The following CNTNAP5 variants were observed in gnomAD, a reference collection of about 807,000 sequenced individuals.
The protein encoded by CNTNAP5 is contactin associated protein family member 5, also known as contactin-associated protein-like 5.
A neutral mutation model predicts 150.2 loss-of-function variants in CNTNAP5; 72 were observed. That is an observed-to-expected ratio of 0.48 (90% CI 0.40 to 0.58). The LOEUF is 0.58. Among genes scored for constraint, CNTNAP5 ranks in the 20% least tolerant of loss-of-function variants. The pLI is 0.00. For missense variants in CNTNAP5, 1,636 were observed against 1,626.2 expected, an observed-to-expected ratio of 1.01 and a Z score of -0.10; for synonymous variants, 672 against 619.8, an observed-to-expected ratio of 1.08 and a Z score of -1.25.
intron 2 of CNTNAP5, among the ~76,000 whole-genome samples, chr2:124,240,956 A>G (rs1686871639): frequency 6.6e-6 from 1 of 152,146 alleles, no homozygotes; most frequent in African/African-American, 2.4e-5. Flanking sequence ...ACATCGCTAA[A>G]ATGATTTTCA....
intron 13 of CNTNAP5, among the ~76,000 whole-genome samples, chr2:124,718,610 T>C (rs1679990620): frequency 6.6e-6 from 1 of 152,154 alleles, no homozygotes; most frequent in African/African-American, 2.4e-5. Flanking sequence ...TATGTGGAAC[T>C]GTTTCTCTTA....
chr2:124,506,555 A>G (rs1694411421), intron 8 of CNTNAP5, among the ~76,000 whole-genome samples: 1 of 152,152 alleles, frequency 6.6e-6, no homozygotes. Context: ...AAAATGGCCC[A>G]CTGAACCCCT....
chr2:124,064,396 T>C (rs937449785), intron 1 of CNTNAP5, among the ~76,000 whole-genome samples: 1 of 152,080 alleles, frequency 6.6e-6, no homozygotes, highest in African/African-American at 2.4e-5. Flanking sequence ...TCATTAGCCA[T>C]GTCTAATCAA....
intron 1 of CNTNAP5, among the ~76,000 whole-genome samples, chr2:124,098,975 T>C (rs1683002591): frequency 6.6e-6 from 1 of 152,110 alleles, no homozygotes; most frequent in Non-Finnish European, 1.5e-5. Context: ...CCACCATTTA[T>C]TGACAAATTC....
At chr2:124,701,890 T>C (rs1679529014) in intron 13 of CNTNAP5, among the ~76,000 whole-genome samples, 1 of 152,208 alleles carries the variant, frequency 6.6e-6, no homozygotes, top group African/African-American at 2.4e-5. Flanking sequence ...TACTTTCTCT[T>C]ATGATTGACC....
intron 3 of CNTNAP5, among the ~76,000 whole-genome samples, chr2:124,292,856 T>C (rs1388812593): frequency 1.3e-5 from 2 of 152,006 alleles, no homozygotes; most frequent in Non-Finnish European, 2.9e-5. Flanking sequence ...CCGCAGGTAG[T>C]TATGTCAACA....
chr2:124,649,809 G>A (rs1678281845), intron 13 of CNTNAP5, among the ~76,000 whole-genome samples: 1 of 152,276 alleles, frequency 6.6e-6, no homozygotes, highest in East Asian at 1.9e-4. Flanking sequence ...TGAACTCCTT[G>A]TGCTATGCCT....
At chr2:124,750,772 T>C (rs932963898) in intron 14 of CNTNAP5, among the ~76,000 whole-genome samples, 3 of 151,706 alleles carry the variant, frequency 2.0e-5, no homozygotes, top group African/African-American at 7.3e-5. Flanking sequence ...GATCACGAGG[T>C]CAGGAGCTCG....
At chr2:124,150,490 C>T (rs895214333) in intron 1 of CNTNAP5, among the ~76,000 whole-genome samples, 1 of 152,082 alleles carries the variant, frequency 6.6e-6, no homozygotes, top group African/African-American at 2.4e-5. Context: ...ACAAAAATAC[C>T]ATAGACTTGT....
intron 21 of CNTNAP5, among the ~76,000 whole-genome samples, chr2:124,880,610 A>G (rs1411422142): frequency 3.3e-5 from 5 of 152,094 alleles, no homozygotes; most frequent in African/African-American, 9.7e-5. Context: ...ATTGCTCCCT[A>G]ACATTGTTTG....
At chr2:124,206,724 G>A (rs542275904) in intron 1 of CNTNAP5, among the ~76,000 whole-genome samples, 1 of 152,234 alleles carries the variant, frequency 6.6e-6, no homozygotes, top group Admixed American at 6.5e-5. Flanking sequence ...TTTTGTAAAG[G>A]TAATTCATGC....
intron 3 of CNTNAP5, among the ~76,000 whole-genome samples, chr2:124,405,361 G>A (rs960896457): frequency 3.3e-5 from 5 of 152,122 alleles, no homozygotes; most frequent in African/African-American, 1.2e-4. Flanking sequence ...CATGCAAAGA[G>A]CCTAGCAAGT....
intron 9 of CNTNAP5, among the ~76,000 whole-genome samples, chr2:124,525,029 T>C (rs1317186578): frequency 6.6e-6 from 1 of 152,186 alleles, no homozygotes; most frequent in African/African-American, 2.4e-5. Context: ...ATTCACATTC[T>C]GCCTTCTCTG....
At chr2:124,890,341 T>G (rs1057498585) in intron 21 of CNTNAP5, among the ~76,000 whole-genome samples, 5 of 152,154 alleles carry the variant, frequency 3.3e-5, no homozygotes, top group African/African-American at 1.2e-4. Context: ...TGTGAGCTGA[T>G]GCATTAATAT....
intron 14 of CNTNAP5, among the ~76,000 whole-genome samples, chr2:124,758,801 A>G (rs988334711): frequency 3.9e-5 from 6 of 151,900 alleles, no homozygotes; most frequent in African/African-American, 1.5e-4. Context: ...TTGAAGGAGA[A>G]AGTGCCCTGA....
At chr2:124,903,476 T>C (rs1216971782) in intron 22 of CNTNAP5, among the ~76,000 whole-genome samples, 1 of 152,168 alleles carries the variant, frequency 6.6e-6, no homozygotes, top group East Asian at 1.9e-4. Flanking sequence ...ACTAACATGA[T>C]AATTCATGTG....
At chr2:124,295,395 A>G (rs1573897611) in intron 3 of CNTNAP5, among the ~76,000 whole-genome samples, 1 of 152,184 alleles carries the variant, frequency 6.6e-6, no homozygotes, top group African/African-American at 2.4e-5. Flanking sequence ...ATATATAGAG[A>G]AGACTTTCTG....
Position 124,395,881 on chromosome 2 carries a change from C to T in CNTNAP5, c.382-21562C>T, listed in dbSNP as rs567730773. 3.9e-5 allele frequency among the ~76,000 whole-genome samples: 6 copies of T among 152,182 alleles called. No homozygotes were observed. In the South Asian group the frequency reaches 1.2e-3, roughly 32 times the overall value. ...TTGGGCAAATGCTAGAACAGAAAAG[C>T]TAAGTGTGTGCCTGAATTCTCACAT... On this transcript the variant is annotated intron_variant, in intron 3 of 23. Coordinates refer to ENST00000682447, the MANE Select transcript of CNTNAP5 (RefSeq NM_001367498.1).
intron 13 of CNTNAP5, among the ~76,000 whole-genome samples, chr2:124,710,362 C>A (rs925742157): frequency 3.9e-5 from 6 of 152,110 alleles, no homozygotes; most frequent in Non-Finnish European, 7.4e-5. Flanking sequence ...TCTTCATAAG[C>A]AAAATAAAAC....
Sources: gnomAD v4.1 joint callset for allele counts (sites outside exome capture counted in the v4.1 genomes callset) on GRCh38, gnomAD v4.1.1 for gene constraint, MANE v1.5 for transcripts, NCBI Gene and HGNC (gene_info 2026-07-23, HGNC 2026-07-21) for gene names.